Variants in ADGRB3 observed in about 807,000 individuals in gnomAD.
ADGRB3 encodes brain-specific angiogenesis inhibitor 3.
ADGRB3 carries 37 observed loss-of-function variants against 193.4 expected under a neutral mutation model. The observed-to-expected ratio is 0.19, with a 90% confidence interval of 0.15 to 0.25. ADGRB3 has a LOEUF of 0.25. ADGRB3 is among the 10% of genes least tolerant of loss of function. The probability of loss-of-function intolerance (pLI) is 1.00; values close to 1 mark genes in which losing one functional copy is unlikely to be tolerated. For synonymous variants in ADGRB3, 690 were observed against 644.2 expected (o/e 1.07, Z -1.08); for missense variants, 1,637 against 1,852.9 (o/e 0.88, Z 2.14).
intron 24 of ADGRB3, among the ~76,000 whole-genome samples, chr6:69,334,025 T>G (rs1768788789): frequency 6.7e-6 from 1 of 148,344 alleles, no homozygotes; most frequent in Non-Finnish European, 1.5e-5. Flanking sequence ...ATAAAAAATA[T>G]GTATATATAA....
intron 15 of ADGRB3, among the ~76,000 whole-genome samples, chr6:69,051,235 C>T (rs757681326): frequency 5.3e-5 from 8 of 152,064 alleles, no homozygotes; most frequent in Non-Finnish European, 7.4e-5. Context: ...TGGACTGGCT[C>T]CCCTGATGCC....
At chr6:69,356,249 G>A (rs1330065246) in intron 28 of ADGRB3, among the ~76,000 whole-genome samples, 1 of 152,138 alleles carries the variant, frequency 6.6e-6, no homozygotes, top group Non-Finnish European at 1.5e-5. Flanking sequence ...CCTATGATTT[G>A]TACAATAACA....
intron 3 of ADGRB3, among the ~76,000 whole-genome samples, chr6:68,798,906 C>T (rs986712034): frequency 3.3e-5 from 5 of 151,998 alleles, no homozygotes; most frequent in East Asian, 1.9e-4. Context: ...AGAAGCTTCA[C>T]GAGTGAAAGG....
At chr6:68,690,964 G>A (rs936059031) in intron 3 of ADGRB3, among the ~76,000 whole-genome samples, 14 of 151,970 alleles carry the variant, frequency 9.2e-5, no homozygotes, top group African/African-American at 3.4e-4. Context: ...TCATTAAATC[G>A]GGCCAGTATT....
intron 20 of ADGRB3, among the ~76,000 whole-genome samples, chr6:69,316,510 A>G (rs972222946): frequency 1.3e-5 from 2 of 151,522 alleles, no homozygotes; most frequent in Non-Finnish European, 3.0e-5. Context: ...TAAAAAGTGA[A>G]TAGCCTGATG....
intron 17 of ADGRB3, among the ~76,000 whole-genome samples, chr6:69,201,470 T>A (rs765601348): frequency 3.9e-5 from 6 of 152,066 alleles, no homozygotes; most frequent in Non-Finnish European, 8.8e-5. Context: ...TTTCTCTCCC[T>A]CCTTCTAATT....
intron 20 of ADGRB3, among the ~76,000 whole-genome samples, chr6:69,258,776 T>C (rs995770981): frequency 1.3e-5 from 2 of 152,178 alleles, no homozygotes; most frequent in African/African-American, 2.4e-5. Context: ...AGAAAAACCA[T>C]CTGGAGAGTT....
Position 68,672,093 on chromosome 6 carries a change from C to A in ADGRB3, c.757+32661C>A, listed in dbSNP as rs567538161. 4.6e-5 allele frequency among the ~76,000 whole-genome samples: 7 copies of A among 151,940 alleles called. No individual in the cohort carries two copies. In the South Asian group the frequency reaches 8.3e-4, roughly 18 times the overall value. On this transcript the variant is annotated intron_variant, in intron 3 of 31. Coordinates refer to ENST00000370598, the MANE Select transcript of ADGRB3 (RefSeq NM_001704.3). The stretch of plus-strand genomic sequence containing the variant: ...TCACTAATGATCTTTTGAATTTCTG[C>A]AGTATCAATTATAATGTCTTTTTTC...
intron 10 of ADGRB3, among the ~76,000 whole-genome samples, chr6:68,980,674 C>G (rs149179810): frequency 2.0e-5 from 3 of 151,548 alleles, no homozygotes; most frequent in Admixed American, 2.0e-4. Flanking sequence ...ATTAAGAAAC[C>G]AGTAAACAAA....
At chr6:68,641,925 G>T (rs778080973) in intron 3 of ADGRB3, among the ~76,000 whole-genome samples, 36 of 151,716 alleles carry the variant, frequency 2.4e-4, no homozygotes, top group Non-Finnish European at 3.1e-4. Flanking sequence ...TAATGACATA[G>T]AGCTTGAGGT....
chr6:68,733,577 A>C (rs1464114422), intron 3 of ADGRB3, among the ~76,000 whole-genome samples: 1 of 151,774 alleles, frequency 6.6e-6, no homozygotes, highest in East Asian at 1.9e-4. Context: ...CCCAAACCTC[A>C]ACATTAGACA....
intron 3 of ADGRB3, among the ~76,000 whole-genome samples, chr6:68,831,801 T>G (rs1767962367): frequency 6.6e-6 from 1 of 152,232 alleles, no homozygotes; most frequent in South Asian, 2.1e-4. Flanking sequence ...AACATAGTTA[T>G]ATCTTGAATT....
At chr6:69,339,050 T>C (rs774424604) in intron 25 of ADGRB3, 36 bp downstream of exon 25, 1 of 1,600,826 alleles carries the variant, frequency 6.2e-7, no homozygotes, top group Admixed American at 1.7e-5. Flanking sequence ...TTGTTACAAA[T>C]CTTTTACAGT....
intron 13 of ADGRB3, among the ~76,000 whole-genome samples, chr6:69,040,707 A>AAAAAAT (rs1771038176): frequency 5.0e-5 from 3 of 60,394 alleles, no homozygotes; most frequent in African/African-American, 2.0e-4. Flanking sequence ...AAAAAAAAAA[A>AAAAAAT]AACAAACAAG....
intron 24 of ADGRB3, among the ~76,000 whole-genome samples, chr6:69,337,262 C>G (rs1768870372): frequency 6.6e-6 from 1 of 152,034 alleles, no homozygotes; most frequent in South Asian, 2.1e-4. Context: ...TACAGCCTAT[C>G]TTCTGTGATA....
At chr6:68,772,121 A>G (rs779991519) in intron 3 of ADGRB3, among the ~76,000 whole-genome samples, 2 of 152,152 alleles carry the variant, frequency 1.3e-5, no homozygotes, top group Non-Finnish European at 2.9e-5. Flanking sequence ...TTAGGAAGCT[A>G]TGGCAATATC....
Position 68,930,600 on chromosome 6 carries a change from C to A in ADGRB3, c.799C>A (p.Pro267Thr). 4.3e-6 allele frequency: 7 copies of A among 1,612,718 alleles called. No individual in the cohort carries two copies. The highest frequency in any genetic ancestry group is 5.1e-6 in the Non-Finnish European group (6 of 1,179,308). The change falls in exon 4 of 32, where the codon CCT (proline) becomes ACT (threonine). Residue 267 changes from proline to threonine, a missense_variant. Pro to Thr is a conservative substitution (Grantham distance 38). Coordinates refer to ENST00000370598, the MANE Select transcript of ADGRB3 (RefSeq NM_001704.3). ...MGDHTIKSQR[P>T]RSVHEKRVPQ... Reference sequence around the variant, plus strand: ...AGATCATACAATTAAAAGTCAGCGACCTCGATCTGTTCATGAAAAAAGGGT... The same window carrying A: ...AGATCATACAATTAAAAGTCAGCGAACTCGATCTGTTCATGAAAAAAGGGT...
At chr6:68,963,490 A>C (rs1175478477) in intron 8 of ADGRB3, among the ~76,000 whole-genome samples, 1 of 152,130 alleles carries the variant, frequency 6.6e-6, no homozygotes, top group Non-Finnish European at 1.5e-5. Flanking sequence ...TGAGATTCTA[A>C]TATTTCTATC....
chr6:69,094,766 C>T (rs1466530022), intron 17 of ADGRB3, among the ~76,000 whole-genome samples: 2 of 152,092 alleles, frequency 1.3e-5, no homozygotes, highest in African/African-American at 4.8e-5. Flanking sequence ...CAGATAATGT[C>T]ATTTAAGGGC....
Sources: allele counts gnomAD v4.1 joint callset (sites outside exome capture counted in the v4.1 genomes callset), GRCh38; gene constraint gnomAD v4.1.1; transcripts MANE v1.5; gene names NCBI Gene and HGNC (gene_info 2026-07-23, HGNC 2026-07-21).